CD36: variants seen among roughly 807,000 people sequenced by gnomAD.
CD36 encodes the protein CD36 molecule (CD36 blood group), also known as platelet glycoprotein 4.
In CD36, 119 loss-of-function variants were observed where a neutral mutation model predicts 55.2. The ratio of observed to expected loss-of-function variants is 2.15; its 90% CI spans 1.86 to 2.51. The LOEUF (loss-of-function observed/expected upper bound fraction) is 2.51, where lower values mean the gene tolerates loss of function less well. Among genes scored for constraint, CD36 ranks in the 30% most tolerant of loss-of-function variants. The pLI is 0.00. For missense variants in CD36, 819 were observed against 555.5 expected, an observed-to-expected ratio of 1.47 and a Z score of -4.77; for synonymous variants, 186 against 193.6, an observed-to-expected ratio of 0.96 and a Z score of 0.33.
chr7:80,666,076 C>G (rs950286967), intron 7 of CD36: 7 of 223,642 alleles, frequency 3.1e-5, no homozygotes, highest in African/African-American at 1.6e-4. Flanking sequence ...CACTTTCCTT[C>G]TATTCATTCT....
Position 80,674,141 on chromosome 7 carries a change from A to AAAATAAGTAAGTATG in CD36, c.1414_*9dup, listed in dbSNP as rs1562829103. ...ATTGTGCATGCAGATCGAAAACAATAAAATAAGTAAGTATGTACCAAAAAA... is the reference window on the plus strand; with the variant it reads ...ATTGTGCATGCAGATCGAAAACAATAAAATAAGTAAGTATGAAATAAGTAAGTATGTACCAAAAAA... On this transcript the variant is annotated stop_gained and inframe_insertion, in exon 14 of 15. Coordinates refer to ENST00000447544, the MANE Select transcript of CD36 (RefSeq NM_001001548.3). LOFTEE classifies it high-confidence loss of function. 1.2e-6 allele frequency: 2 copies of AAAATAAGTAAGTATG among 1,608,384 alleles called. No individual in the cohort carries two copies. Among genetic ancestry groups the AAAATAAGTAAGTATG allele is most frequent in the South Asian group, 1.1e-5 (1 of 90,884 alleles).
At chr7:80,626,403 C>T (rs537617357) in intron 1 of CD36, among the ~76,000 whole-genome samples, 2 of 152,178 alleles carry the variant, frequency 1.3e-5, no homozygotes, top group African/African-American at 4.8e-5. Flanking sequence ...CCAATTTACA[C>T]TGTCTGCCGG....
chr7:80,659,461 G>A (rs1326018245), intron 4 of CD36, among the ~76,000 whole-genome samples: 1 of 152,060 alleles, frequency 6.6e-6, no homozygotes, highest in African/African-American at 2.4e-5. Context: ...TTCATTTTTT[G>A]AGTTACTTTG....
chr7:80,654,542 C>T (rs1795883389), intron 3 of CD36, among the ~76,000 whole-genome samples: 1 of 152,162 alleles, frequency 6.6e-6, no homozygotes, highest in Admixed American at 6.5e-5. Context: ...TCAACATCCT[C>T]ACCAAACATA....
At position 80,609,979 on chromosome 7, in the gene CD36, C is replaced by T. The variant is rs151260715; in HGVS notation, c.-184+7600C>T. ...CAAGATAAGATTAGGAAAGGACATGCGCTGTGAGGGGTGAGCCAAGCTGTG... is the reference window on the plus strand; with the variant it reads ...CAAGATAAGATTAGGAAAGGACATGTGCTGTGAGGGGTGAGCCAAGCTGTG... On this transcript the variant is annotated intron_variant, in intron 1 of 13. Transcript: ENST00000309881. Among the ~76,000 whole-genome samples the T allele has an allele frequency of 6.6e-5, 10 of 152,150 alleles. No homozygotes were observed. The East Asian group carries it at 1.6e-3, about 24-fold the overall frequency.
chr7:80,658,020 C>T (rs1796224188), intron 4 of CD36, among the ~76,000 whole-genome samples: 1 of 152,170 alleles, frequency 6.6e-6, no homozygotes, highest in African/African-American at 2.4e-5. Context: ...AGGGTGGTGC[C>T]TACTACCATA....
At chr7:80,661,304 T>TTC in intron 5 of CD36, 94 bp downstream of exon 5, 1 of 1,264,300 alleles carries the variant, frequency 7.9e-7, no homozygotes, top group Non-Finnish European at 1.1e-6. Context: ...TTACTTGTTT[T>TTC]TCCATTTTTA....
rs151172320 is a variant in CD36, at chr7:80,661,245, A to G, written c.429+35A>G. On this transcript the variant is annotated intron_variant, in intron 5 of 14. Transcript: ENST00000447544. ...CAAACAACAAAGTTATCTATTTTAA[A>G]ATACTCTAGAACTCATGTAATTAAT... is the stretch of plus-strand genomic sequence containing the variant. 6.3e-6 allele frequency: 10 copies of G among 1,580,492 alleles called. No individual in the cohort carries two copies. In the East Asian group the frequency reaches 6.7e-5, roughly 11 times the overall value.
At chr7:80,614,574 G>T (rs1037340816) in intron 1 of CD36, among the ~76,000 whole-genome samples, 1 of 151,798 alleles carries the variant, frequency 6.6e-6, no homozygotes, top group Non-Finnish European at 1.5e-5. Flanking sequence ...TTTTGCAGGG[G>T]TGCCCTCTGT....
In CD36 at chr7:80,674,044, ACCT is replaced by A. The variant is rs1381811711; in HGVS notation, c.1320_1322del (p.Leu441del). On this transcript the variant is annotated inframe_deletion, in exon 14 of 15. Transcript: ENST00000447544. The stretch of plus-strand genomic sequence containing the variant: ...AGAAGTCAAGTAACTGGAAAAATAA[ACCT>A]CCTTGGCCTGATAGAAATGATCTTA... 2 of 1,611,868 alleles carry A rather than the reference ACCT, an allele frequency of 1.2e-6. No homozygotes were observed. The highest frequency in any genetic ancestry group is 1.7e-6 in the Non-Finnish European group (2 of 1,178,738).
chr7:80,644,760 A>G (rs888779970), intron 1 of CD36, among the ~76,000 whole-genome samples: 2 of 152,156 alleles, frequency 1.3e-5, no homozygotes, highest in Non-Finnish European at 2.9e-5. Flanking sequence ...ACAATATTCT[A>G]TGTGCCCTTT....
chr7:80,676,968 CAT>C lies in CD36; in HGVS notation c.*587_*588del, dbSNP rs1798185377. 1 of 152,164 alleles carries C rather than the reference CAT, an allele frequency of 6.6e-6. No homozygotes were observed. Among genetic ancestry groups the C allele is most frequent in the African/African-American group, 2.4e-5 (1 of 41,442 alleles). The allele number at this position is 152,164 out of a possible 1,614,324, so 9.4% of individuals were successfully genotyped here. A position where few individuals can be genotyped will look rare whatever the true frequency, so the allele number is the denominator to read the frequency against. Reference sequence around the variant, plus strand: ...ATATTTTTTGCTGTCATAATCGCCTCATAAAGACAGGTTTCAACCATTAAAAT... The same window carrying C: ...ATATTTTTTGCTGTCATAATCGCCTCAAAGACAGGTTTCAACCATTAAAAT... On this transcript the variant is annotated 3_prime_UTR_variant, in exon 15 of 15. Transcript: ENST00000447544.
At chr7:80,648,171 G>A (rs374652345) in intron 3 of CD36, among the ~76,000 whole-genome samples, 2 of 152,090 alleles carry the variant, frequency 1.3e-5, no homozygotes, top group African/African-American at 4.8e-5. Context: ...GAAACAGACA[G>A]GTAATAGTGA....
upstream of CD36, among the ~76,000 whole-genome samples, chr7:80,636,583 A>G (rs1372647633): frequency 1.3e-5 from 2 of 151,698 alleles, no homozygotes; most frequent in South Asian, 2.1e-4. Flanking sequence ...TGACTGAAGT[A>G]GATTGAAAAT....
chr7:80,632,426 C>T (rs1794133069), intron 1 of CD36, among the ~76,000 whole-genome samples: 1 of 152,032 alleles, frequency 6.6e-6, no homozygotes, highest in African/African-American at 2.4e-5. Flanking sequence ...TGTGTATACA[C>T]ATGCATATCT....
exon 1 of CD36, chr7:80,602,304 C>T (rs1792282758): frequency 6.6e-6 from 1 of 152,152 alleles, no homozygotes; most frequent in Admixed American, 6.5e-5. Context: ...TGTTTACTTT[C>T]TGCATCTGCT....
intron 5 of CD36, among the ~76,000 whole-genome samples, chr7:80,662,762 T>A (rs1488502823): frequency 6.6e-6 from 1 of 152,136 alleles, no homozygotes; most frequent in Non-Finnish European, 1.5e-5. Context: ...GTTAAATAAA[T>A]AGAGCTTAAC....
Position 80,677,713 on chromosome 7 carries a change from T to C in CD36, c.*1330T>C, listed in dbSNP as rs193152779. 7.9e-5 allele frequency: 12 copies of C among 152,306 alleles called. No individual in the cohort carries two copies. In the East Asian group the frequency reaches 2.3e-3, roughly 29 times the overall value. The allele number at this position is 152,306 out of a possible 1,614,324, so 9.4% of individuals were successfully genotyped here. ...GATATTTGTGGACATGTCCATCTAA[T>C]ATAAAGGAAAGTTTTTTAATCATTG... On this transcript the variant is annotated 3_prime_UTR_variant, in exon 15 of 15. Coordinates refer to ENST00000447544, the MANE Select transcript of CD36 (RefSeq NM_001001548.3).
intron 1 of CD36, among the ~76,000 whole-genome samples, chr7:80,620,968 A>G (rs1278253923): frequency 6.6e-6 from 1 of 152,188 alleles, no homozygotes; most frequent in African/African-American, 2.4e-5. Flanking sequence ...ATGTTATCAA[A>G]CAGCATTGCA....
Sources: gnomAD v4.1 joint callset for allele counts (sites outside exome capture counted in the v4.1 genomes callset) on GRCh38, gnomAD v4.1.1 for gene constraint, MANE v1.5 for transcripts, NCBI Gene and HGNC (gene_info 2026-07-23, HGNC 2026-07-21) for gene names.